ADAMTSL4: variants seen among roughly 807,000 people sequenced by gnomAD.
ADAMTSL4 encodes ADAMTS like 4.
ADAMTSL4 carries 97 observed loss-of-function variants against 122.8 expected under a neutral mutation model. That is an observed-to-expected ratio of 0.79 (90% CI 0.67 to 0.93). The LOEUF (loss-of-function observed/expected upper bound fraction) is 0.93. Among genes scored for constraint, ADAMTSL4 ranks in the 40% least tolerant of loss-of-function variants. The pLI is 0.00. For missense variants in ADAMTSL4, 1,408 were observed against 1,453.5 expected, an observed-to-expected ratio of 0.97 and a Z score of 0.51; for synonymous variants, 592 against 568.0, an observed-to-expected ratio of 1.04 and a Z score of -0.60.
chr1:150,552,018 G>T lies in ADAMTSL4; in HGVS notation c.-84-187G>T. On this transcript the variant is annotated intron_variant, in intron 2 of 18. Transcript: ENST00000271643. This position sits in a 1 kb window ranked among gnomAD's most constrained non-coding sequence, Gnocchi z 4.0. The stretch of plus-strand genomic sequence containing the variant: ...GTGGGGACTGAGCCTTAGTTGGAGG[G>T]CTGAGGTCAGCCCCTGACCATGTAG... The T allele has an allele frequency of 1.9e-6, 1 of 516,664 alleles. No homozygotes were observed. The highest frequency in any genetic ancestry group is 3.5e-4 in the Middle Eastern group (1 of 2,820). The allele number at this position is 516,664 out of a possible 1,614,324, so 32.0% of individuals were successfully genotyped here. A position where few individuals can be genotyped will look rare whatever the true frequency, so the allele number is the denominator to read the frequency against.
At position 150,560,072 on chromosome 1, in the gene ADAMTSL4, A is replaced by G. The variant is rs765312701; in HGVS notation, c.3101A>G (p.Lys1034Arg). 2.5e-6 allele frequency: 4 copies of G among 1,613,964 alleles called. No individual in the cohort carries two copies. The Admixed American group carries it at 6.7e-5, about 27-fold the overall frequency. ...CCTCTGTCCCCAGATGATCAATGCA[A>G]GGACAGCTCTCCACATTGCCCCCTG... ...PCSQRPDDQC[K>R]DSSPHCPLVV... The change falls in exon 19 of 19, where the codon AAG becomes AGG. Residue 1034 changes from lysine (K) to arginine (R), a missense_variant. Coordinates refer to ENST00000271643, the MANE Select transcript of ADAMTSL4 (RefSeq NM_019032.6).
chr1:150,550,514 T>G (rs1671294874), intron 2 of ADAMTSL4: 1 of 368,196 alleles, frequency 2.7e-6, no homozygotes, highest in African/African-American at 2.1e-5. Flanking sequence ...CGAGAAGAGA[T>G]CTCGGTGGCA....
Position 150,553,196 on chromosome 1 carries a change from G to C in ADAMTSL4, c.377G>C (p.Arg126Pro), listed in dbSNP as rs587699176. The C allele has an allele frequency of 9.3e-6, 15 of 1,606,812 alleles. No homozygotes were observed. The South Asian group carries it at 1.1e-4, about 12-fold the overall frequency. The change falls in exon 5 of 19, where the codon CGA becomes CCA. Residue 126 changes from arginine to proline, a missense_variant. Transcript: ENST00000271643. ...TQSRGRGGPL[R>P]GPASHLGREE... ...TCTCGGGGAAGGGGTGGCCCACTTC[G>C]AGGTCCCGCTTCCCACCTAGGGAGA...
At chr1:150,550,180 A>G (rs1671249910) in intron 2 of ADAMTSL4, 1 of 456,224 alleles carries the variant, frequency 2.2e-6, no homozygotes, top group Admixed American at 2.4e-5. Context: ...GCGTTTGTCC[A>G]GACCAGGGTC....
rs111576578 is a variant in ADAMTSL4, at chr1:150,559,153, G to A, written c.2751G>A (p.Gly917=). The change falls in exon 16 of 19, where the codon GGG becomes GGA. Residue 917 remains glycine, a synonymous_variant. Transcript: ENST00000271643. This position sits in a 1 kb window ranked among gnomAD's most constrained non-coding sequence, Gnocchi z 4.1. ...PCERTWRWYT[G]PWGECSSECG... Reference sequence around the variant, plus strand: ...AGAGAACTTGGCGCTGGTACACAGGGCCCTGGGGTGAGGTAAGCTGAGCGC... The same window carrying A: ...AGAGAACTTGGCGCTGGTACACAGGACCCTGGGGTGAGGTAAGCTGAGCGC... 3.2e-4 allele frequency: 523 copies of A among 1,612,574 alleles called. 2 individuals are homozygous for A. The African/African-American group carries it at 6.0e-3, about 19-fold the overall frequency.
chr1:150,558,724 G>A (rs1672478448), intron 15 of ADAMTSL4, 75 bp downstream of exon 15: 1 of 1,611,428 alleles, frequency 6.2e-7, no homozygotes, highest in Non-Finnish European at 8.5e-7. Flanking sequence ...TTCCAGCATA[G>A]CTCAATAAAC....
At chr1:150,558,874 C>T in intron 15 of ADAMTSL4, 88 bp from the exon 16 acceptor site, 1 of 1,539,424 alleles carries the variant, frequency 6.5e-7, no homozygotes, top group Non-Finnish European at 8.7e-7. Context: ...AGGATTCGGA[C>T]CCAGGATGCG....
rs372955029 is a variant in ADAMTSL4, at chr1:150,552,333, G to C, written c.20+25G>C. 2.1e-5 allele frequency: 32 copies of C among 1,554,826 alleles called. No homozygotes were observed. The highest frequency in any genetic ancestry group is 4.1e-5 in the African/African-American group (3 of 73,470). On this transcript the variant is annotated intron_variant, in intron 3 of 18. Coordinates refer to ENST00000271643, the MANE Select transcript of ADAMTSL4 (RefSeq NM_019032.6). The surrounding 1 kb of genome is among the most constrained non-coding windows in gnomAD (Gnocchi z 4.0). ...GGTGAGAGAAGGGGCCACGGGTTGGGGGGGAGGAAAAGGGGAGGTGCTGGG... is the reference window on the plus strand; with the variant it reads ...GGTGAGAGAAGGGGCCACGGGTTGGCGGGGAGGAAAAGGGGAGGTGCTGGG...
chr1:150,556,410 G>C lies in ADAMTSL4; in HGVS notation c.1576+44G>C. On this transcript the variant is annotated intron_variant, in intron 9 of 18. Coordinates refer to ENST00000271643, the MANE Select transcript of ADAMTSL4 (RefSeq NM_019032.6). This position sits in a 1 kb window ranked among gnomAD's most constrained non-coding sequence, Gnocchi z 4.1. ...CCCCTTCCACTTCCGTCTCTGTTCG[G>C]CCCTCCATACCCCTACTCAGAGCAG... The C allele has an allele frequency of 6.2e-7, 1 of 1,609,738 alleles. No individual in the cohort carries two copies.
In ADAMTSL4 at chr1:150,559,251, C is replaced by T. The variant is rs1672543912; in HGVS notation, c.2764-36C>T. The stretch of plus-strand genomic sequence containing the variant: ...GGCACTTGGGGTGCTCTCTGTCCTC[C>T]CCTCCCCTCATCACCCTGCCCTCCC... On this transcript the variant is annotated intron_variant, in intron 16 of 18. Coordinates refer to ENST00000271643, the MANE Select transcript of ADAMTSL4 (RefSeq NM_019032.6). The surrounding 1 kb of genome is among the most constrained non-coding windows in gnomAD (Gnocchi z 4.1). 1 of 1,613,148 alleles carries T rather than the reference C, an allele frequency of 6.2e-7. No individual in the cohort carries two copies. Among genetic ancestry groups the T allele is most frequent in the African/African-American group, 1.3e-5 (1 of 74,832 alleles).
chr1:150,552,232 C>T lies in ADAMTSL4; in HGVS notation c.-57C>T, dbSNP rs587722680. On this transcript the variant is annotated 5_prime_UTR_variant, in exon 3 of 19. Coordinates refer to ENST00000271643, the MANE Select transcript of ADAMTSL4 (RefSeq NM_019032.6). This position sits in a 1 kb window ranked among gnomAD's most constrained non-coding sequence, Gnocchi z 4.0. ...AGCACCCTCCACGCCCAGATGCCTG[C>T]GTAGTTTTTGTGACCAGTCCGCTCC... is the stretch of plus-strand genomic sequence containing the variant. 22 of 1,533,368 alleles carry T rather than the reference C, an allele frequency of 1.4e-5. No homozygotes were observed. The highest frequency in any genetic ancestry group is 4.8e-5 in the South Asian group (4 of 83,336). 95.0% of individuals were successfully genotyped at this position (1,533,368 alleles called of 1,614,324 possible).
chr1:150,554,761 A>G lies in ADAMTSL4; in HGVS notation c.1234+294A>G. 1 of 1,152,036 alleles carries G rather than the reference A, an allele frequency of 8.7e-7. No individual in the cohort carries two copies. The highest frequency in any genetic ancestry group is 1.2e-6 in the Non-Finnish European group (1 of 820,832). The allele number at this position is 1,152,036 out of a possible 1,614,324, so 71.4% of individuals were successfully genotyped here. A position where few individuals can be genotyped will look rare whatever the true frequency, so the allele number is the denominator to read the frequency against. ...TGACACAAGAGGGCCATGGTGGGAG[A>G]GATCCTGTCCAGCCGTGACAGCCAG... On this transcript the variant is annotated intron_variant, in intron 7 of 18. Transcript: ENST00000271643. The surrounding 1 kb of genome is among the most constrained non-coding windows in gnomAD (Gnocchi z 4.0).
In ADAMTSL4 at chr1:150,556,617, G is replaced by A. The variant is rs369298759; in HGVS notation, c.1577-4G>A. The A allele has an allele frequency of 6.4e-5, 103 of 1,613,888 alleles. No individual in the cohort carries two copies. Among genetic ancestry groups the A allele is most frequent in the African/African-American group, 1.3e-4 (10 of 74,908 alleles). The stretch of plus-strand genomic sequence containing the variant: ...TTTCCCGATCTCTCACCTCTGACCC[G>A]CAGCACTTCGTGGCCCTGGGGGCCG... On this transcript the variant is annotated splice_polypyrimidine_tract_variant and splice_region_variant and intron_variant, in intron 9 of 18. Coordinates refer to ENST00000271643, the MANE Select transcript of ADAMTSL4 (RefSeq NM_019032.6). This position sits in a 1 kb window ranked among gnomAD's most constrained non-coding sequence, Gnocchi z 4.1.
chr1:150,556,745 G>GGAGA lies in ADAMTSL4; in HGVS notation c.1703_1706dup (p.Ser569ArgfsTer6), dbSNP rs1411185199. The GGAGA allele has an allele frequency of 6.2e-7, 1 of 1,613,750 alleles. No homozygotes were observed. The highest frequency in any genetic ancestry group is 1.1e-5 in the South Asian group (1 of 91,072). On this transcript the variant is annotated frameshift_variant, in exon 10 of 19. Coordinates refer to ENST00000271643, the MANE Select transcript of ADAMTSL4 (RefSeq NM_019032.6). LOFTEE classifies it high-confidence loss of function. The surrounding 1 kb of genome is among the most constrained non-coding windows in gnomAD (Gnocchi z 4.1). ...GTCCTCCCAGGGAGGAGGGCAAAGG[G>GGAGA]GAGAGTCTGTCGGCTGAAGGCCCCA...
rs587707827 is a variant in ADAMTSL4, at chr1:150,556,103, G to C, written c.1372-59G>C. 1.3e-5 allele frequency: 21 copies of C among 1,591,092 alleles called. No individual in the cohort carries two copies. In the African/African-American group the frequency reaches 1.6e-4, roughly 12 times the overall value. On this transcript the variant is annotated intron_variant, in intron 8 of 18. Transcript: ENST00000271643. This position sits in a 1 kb window ranked among gnomAD's most constrained non-coding sequence, Gnocchi z 4.1. ...GAGCTGAGGCTCCCGAGGGGACCGG[G>C]GTGGGGTTGAGGTGGTGTCTGGCGT...
At position 150,556,694 on chromosome 1, in the gene ADAMTSL4, C is replaced by G; in HGVS notation, c.1650C>G (p.Ala550=). ...WAVDPPGSYR[A]GGTVFRYNRP... ...TGGATCCCCCTGGGTCCTACAGGGCCGGCGGGACCGTCTTTCGATATAACC... is the reference window on the plus strand; with the variant it reads ...TGGATCCCCCTGGGTCCTACAGGGCGGGCGGGACCGTCTTTCGATATAACC... Residue 550 remains alanine, a synonymous_variant, in exon 10 of 19, where the codon GCC becomes GCG. Coordinates refer to ENST00000271643, the MANE Select transcript of ADAMTSL4 (RefSeq NM_019032.6). The surrounding 1 kb of genome is among the most constrained non-coding windows in gnomAD (Gnocchi z 4.1). 1 of 1,613,972 alleles carries G rather than the reference C, an allele frequency of 6.2e-7. No homozygotes were observed. The highest frequency in any genetic ancestry group is 2.2e-5 in the East Asian group (1 of 44,874).
At chr1:150,555,835 A>G (rs1339286572) in intron 8 of ADAMTSL4, 14 of 610,678 alleles carry the variant, frequency 2.3e-5, no homozygotes, top group South Asian at 2.2e-4. Context: ...ATGCAGACAC[A>G]TGCACACACA....
chr1:150,554,848 T>C lies in ADAMTSL4; in HGVS notation c.1234+381T>C, dbSNP rs1214647551. 1.7e-6 allele frequency: 1 copy of C among 599,584 alleles called. No individual in the cohort carries two copies. The highest frequency in any genetic ancestry group is 1.9e-5 in the African/African-American group (1 of 53,588). 37.1% of individuals were successfully genotyped at this position (599,584 alleles called of 1,614,324 possible). A position where few individuals can be genotyped will look rare whatever the true frequency, so the allele number is the denominator to read the frequency against. ...CGGTTGCTCCCAGGTTACCATCCGC[T>C]TCATTTTAGGCCTGTGTTAACTTGA... is the stretch of plus-strand genomic sequence containing the variant. On this transcript the variant is annotated intron_variant, in intron 7 of 18. Coordinates refer to ENST00000271643, the MANE Select transcript of ADAMTSL4 (RefSeq NM_019032.6). This position sits in a 1 kb window ranked among gnomAD's most constrained non-coding sequence, Gnocchi z 4.0.
chr1:150,558,894 GC>G (rs1672495572), intron 15 of ADAMTSL4, 67 bp from the exon 16 acceptor site: 16 of 1,545,612 alleles, frequency 1.0e-5, no homozygotes, highest in Non-Finnish European at 1.2e-5. Context: ...GTCCCTCCCT[GC>G]CCCCCTACTG....
Sources: allele counts gnomAD v4.1 joint callset, GRCh38; gene constraint gnomAD v4.1.1; non-coding constraint Gnocchi (gnomAD v3.1); transcripts MANE v1.5; gene names NCBI Gene and HGNC (gene_info 2026-07-23, HGNC 2026-07-21).